JOSD1: variants seen among roughly 807,000 people sequenced by gnomAD.
The protein encoded by JOSD1 is josephin-1.
A neutral mutation model predicts 24.3 loss-of-function variants in JOSD1; 11 were observed. The ratio of observed to expected loss-of-function variants is 0.45; its 90% CI spans 0.29 to 0.75. The LOEUF (loss-of-function observed/expected upper bound fraction) is 0.75. JOSD1 is among the 30% of genes least tolerant of loss of function. The pLI is 0.11. For synonymous variants in JOSD1, 106 were observed against 93.8 expected, an observed-to-expected ratio of 1.13 and a Z score of -0.75; for missense variants, 184 against 253.5, an observed-to-expected ratio of 0.73 and a Z score of 1.86.
At position 38,687,476 on chromosome 22, in the gene JOSD1, T is replaced by C. The variant is rs2092502998; in HGVS notation, c.*426A>G. The C allele has an allele frequency of 5.7e-6, 1 of 175,426 alleles. No individual in the cohort carries two copies. Among genetic ancestry groups the C allele is most frequent in the African/African-American group, 2.4e-5 (1 of 42,036 alleles). The allele number at this position is 175,426 out of a possible 1,614,324, so 10.9% of individuals were successfully genotyped here. A position where few individuals can be genotyped will look rare whatever the true frequency, so the allele number is the denominator to read the frequency against. ...GTCCTTCAAACCAGTCACATGGGGT[T>C]TGTGGGCACTATCTGCAGACCCACT... On this transcript the variant is annotated 3_prime_UTR_variant, in exon 5 of 5. Transcript: ENST00000683374.
At chr22:38,696,591 T>C (rs2092547266) in intron 2 of JOSD1, among the ~76,000 whole-genome samples, 1 of 152,232 alleles carries the variant, frequency 6.6e-6, no homozygotes, top group Non-Finnish European at 1.5e-5. Flanking sequence ...TGTATACATA[T>C]ACACTGATGA....
rs1298557153 is a variant in JOSD1 at position 38,687,956 on chromosome 22, C to A, written c.555G>T (p.Leu185=). 2 of 1,614,034 alleles carry A rather than the reference C, an allele frequency of 1.2e-6. No individual in the cohort carries two copies. The highest frequency in any genetic ancestry group is 4.5e-5 in the East Asian group (2 of 44,878). Residue 185 remains leucine, a synonymous_variant, in exon 5 of 5, where the codon CTG becomes CTT. Coordinates refer to ENST00000683374, the MANE Select transcript of JOSD1 (RefSeq NM_001360236.2). The part of the protein sequence containing the change: ...HHLRGKNCEL[L]LVVPEEVEAH... ...CCTCTACCTCTTCTGGTACCACCAG[C>A]AGGAGTTCACAGTTCTTTCCTCGCA...
At chr22:38,697,628 G>C (rs1243115218) in intron 2 of JOSD1, among the ~76,000 whole-genome samples, 1 of 152,266 alleles carries the variant, frequency 6.6e-6, no homozygotes, top group East Asian at 1.9e-4. Flanking sequence ...CAGTACTCGA[G>C]AAACAGGAGA....
chr22:38,690,555 A>G (rs2092517458), intron 2 of JOSD1, among the ~76,000 whole-genome samples: 1 of 151,902 alleles, frequency 6.6e-6, no homozygotes, highest in Non-Finnish European at 1.5e-5. Flanking sequence ...GGCACCCGCC[A>G]CCACGCCCAC....
At chr22:38,689,750 G>C (rs570720136) in intron 2 of JOSD1, among the ~76,000 whole-genome samples, 1 of 151,502 alleles carries the variant, frequency 6.6e-6, no homozygotes, top group Admixed American at 6.6e-5. Context: ...TGTCACTCCT[G>C]CTTTCTAGTT....
intron 2 of JOSD1, among the ~76,000 whole-genome samples, chr22:38,689,914 G>C (rs1370837098): frequency 1.8e-5 from 1 of 56,084 alleles, no homozygotes; most frequent in Non-Finnish European, 6.8e-5. Context: ...AAGGCATTCT[G>C]TGTGTGTGTG....
At chr22:38,697,122 C>T (rs1185755938) in intron 2 of JOSD1, among the ~76,000 whole-genome samples, 1 of 152,218 alleles carries the variant, frequency 6.6e-6, no homozygotes, top group Non-Finnish European at 1.5e-5. Flanking sequence ...CTGTTCGACT[C>T]GTTTTCTCTA....
chr22:38,693,588 T>C (rs1458389461), intron 2 of JOSD1, among the ~76,000 whole-genome samples: 1 of 152,212 alleles, frequency 6.6e-6, no homozygotes, highest in East Asian at 1.9e-4. Flanking sequence ...CATGATCATA[T>C]GGCCTTTATT....
rs57064558 is a variant in JOSD1, at chr22:38,689,912, C to CTGTGTGTGTGTGTGTGTG, written c.186-506_186-489dup. Among the ~76,000 whole-genome samples the CTGTGTGTGTGTGTGTGTG allele has an allele frequency of 7.0e-3, 1,010 of 144,614 alleles. 10 individuals are homozygous for CTGTGTGTGTGTGTGTGTG. The highest frequency in any genetic ancestry group is 0.018 in the African/African-American group (677 of 37,870). 94.9% of individuals were successfully genotyped at this position (144,614 alleles called of 152,430 possible). ...AATGCACGACCCACCTAAAGGCATT[C>CTGTGTGTGTGTGTGTGTG]TGTGTGTGTGTGTGTGTGTGTGTGT... On this transcript the variant is annotated intron_variant, in intron 2 of 4. Coordinates refer to ENST00000683374, the MANE Select transcript of JOSD1 (RefSeq NM_001360236.2).
chr22:38,695,157 T>C (rs1268019284), intron 2 of JOSD1, among the ~76,000 whole-genome samples: 2 of 152,198 alleles, frequency 1.3e-5, no homozygotes, highest in African/African-American at 2.4e-5. Flanking sequence ...AGGCACACAT[T>C]AGTAATCCGT....
chr22:38,700,783 G>C lies in JOSD1; in HGVS notation c.-632+17C>G. 1 of 984,934 alleles carries C rather than the reference G, an allele frequency of 1.0e-6. No homozygotes were observed. Among genetic ancestry groups the C allele is most frequent in the Non-Finnish European group, 1.2e-6 (1 of 829,750 alleles). 61.0% of individuals were successfully genotyped at this position (984,934 alleles called of 1,614,324 possible). A position where few individuals can be genotyped will look rare whatever the true frequency, so the allele number is the denominator to read the frequency against. On this transcript the variant is annotated intron_variant, in intron 1 of 4. Transcript: ENST00000683374. Reference sequence around the variant, plus strand: ...TCCCGGGCCCGCGCCCACCCGGCTCGCAGCCCCTACACAAACCTCCCCGCC... The same window carrying C: ...TCCCGGGCCCGCGCCCACCCGGCTCCCAGCCCCTACACAAACCTCCCCGCC...
At chr22:38,690,551 C>T (rs945556820) in intron 2 of JOSD1, among the ~76,000 whole-genome samples, 2 of 151,824 alleles carry the variant, frequency 1.3e-5, no homozygotes, top group Admixed American at 6.6e-5. Context: ...TACAGGCACC[C>T]GCCACCACGC....
chr22:38,694,800 T>C (rs941056343), intron 2 of JOSD1, among the ~76,000 whole-genome samples: 1 of 146,496 alleles, frequency 6.8e-6, no homozygotes, highest in African/African-American at 2.6e-5. Flanking sequence ...AGGCGGAGCT[T>C]GCAGTGAGCC....
intron 2 of JOSD1, among the ~76,000 whole-genome samples, chr22:38,694,794 G>A (rs2092537675): frequency 6.6e-6 from 1 of 150,890 alleles, no homozygotes; most frequent in South Asian, 2.1e-4. Flanking sequence ...CCTGGGAGGC[G>A]GAGCTTGCAG....
intron 2 of JOSD1, 48 bp from the exon 3 acceptor site, chr22:38,689,472 C>T (rs1446244780): frequency 1.9e-6 from 3 of 1,608,392 alleles, no homozygotes; most frequent in South Asian, 2.2e-5. Context: ...ATGCCTGAAC[C>T]CCCTGACCCC....
Position 38,687,898 on chromosome 22 carries a change from A to G in JOSD1, c.*4T>C. 6.2e-6 allele frequency: 10 copies of G among 1,604,888 alleles called. No homozygotes were observed. The highest frequency in any genetic ancestry group is 8.5e-6 in the Non-Finnish European group (10 of 1,171,570). ...TGAGGCGAGAGGGAGGTTGGGCAGA[A>G]CTGTTACACATCGGTCCTCCAACTC... On this transcript the variant is annotated 3_prime_UTR_variant, in exon 5 of 5. Coordinates refer to ENST00000683374, the MANE Select transcript of JOSD1 (RefSeq NM_001360236.2).
rs374404718 is a variant in JOSD1, at chr22:38,700,000, A to C, written c.-13T>G. 12 of 1,580,860 alleles carry C rather than the reference A, an allele frequency of 7.6e-6. No individual in the cohort carries two copies. Among genetic ancestry groups the C allele is most frequent in the African/African-American group, 1.4e-5 (1 of 73,420 alleles). On this transcript the variant is annotated 5_prime_UTR_variant, in exon 2 of 5. Transcript: ENST00000683374. Reference sequence around the variant, plus strand: ...GCACACAACTCATGTTTTTTGTTTTAGGTTCCAGAGATGGCTATAAACACC... The same window carrying C: ...GCACACAACTCATGTTTTTTGTTTTCGGTTCCAGAGATGGCTATAAACACC...
intron 2 of JOSD1, among the ~76,000 whole-genome samples, chr22:38,691,182 T>C (rs1295870974): frequency 2.0e-5 from 3 of 151,936 alleles, no homozygotes; most frequent in Non-Finnish European, 2.9e-5. Context: ...TTGGGCAACA[T>C]GGCAAAACAC....
At chr22:38,696,441 T>C (rs1177914376) in intron 2 of JOSD1, among the ~76,000 whole-genome samples, 6 of 152,158 alleles carry the variant, frequency 3.9e-5, no homozygotes, top group Middle Eastern at 3.2e-3. Flanking sequence ...TTTTGCTATA[T>C]GTTGGCCAGG....
Sources: allele counts gnomAD v4.1 joint callset (sites outside exome capture counted in the v4.1 genomes callset), GRCh38; gene constraint gnomAD v4.1.1; transcripts MANE v1.5; gene names NCBI Gene and HGNC (gene_info 2026-07-23, HGNC 2026-07-21).